Variants in GPHN observed in about 807,000 individuals in gnomAD.
GPHN encodes the protein gephyrin.
A neutral mutation model predicts 95.5 loss-of-function variants in GPHN; 17 were observed. The ratio of observed to expected loss-of-function variants is 0.18; its 90% CI spans 0.12 to 0.27. The LOEUF (loss-of-function observed/expected upper bound fraction) is 0.27. GPHN is among the 10% of genes least tolerant of loss of function. GPHN has a pLI of 1.00. For missense variants in GPHN, 660 were observed against 978.1 expected, an observed-to-expected ratio of 0.67 and a Z score of 4.34; for synonymous variants, 320 against 322.5, an observed-to-expected ratio of 0.99 and a Z score of 0.08.
chr14:66,603,010 G>A (rs996155182), intron 1 of GPHN, among the ~76,000 whole-genome samples: 3 of 151,618 alleles, frequency 2.0e-5, no homozygotes, highest in Non-Finnish European at 3.0e-5. Context: ...GGTTCTCTCC[G>A]TTAAACATAT....
the GPHN span, among the ~76,000 whole-genome samples, chr14:67,476,716 A>G: frequency 6.6e-6 from 1 of 152,240 alleles, no homozygotes; most frequent in Non-Finnish European, 1.5e-5. Flanking sequence ...GGGCCAGTAA[A>G]TGGAAGAGCT....
At chr14:67,374,330 C>T in the GPHN span, 1 of 475,374 alleles carries the variant, frequency 2.1e-6, no homozygotes, top group Non-Finnish European at 3.8e-6. Flanking sequence ...AATACTTATG[C>T]AGTATTTTGT....
the GPHN span, among the ~76,000 whole-genome samples, chr14:67,356,710 T>C: frequency 6.6e-6 from 1 of 152,208 alleles, no homozygotes; most frequent in Non-Finnish European, 1.5e-5. Flanking sequence ...ACGTTCACTG[T>C]ACCCCAAACA....
chr14:67,293,005 TG>T, the GPHN span, among the ~76,000 whole-genome samples: 2 of 152,158 alleles, frequency 1.3e-5, no homozygotes, highest in Non-Finnish European at 2.9e-5. Context: ...AATTTGTTAA[TG>T]TTTTTAGTAT....
At chr14:67,221,419 A>C in the GPHN span, among the ~76,000 whole-genome samples, 1 of 152,212 alleles carries the variant, frequency 6.6e-6, no homozygotes, top group East Asian at 1.9e-4. Flanking sequence ...TACACGGCTC[A>C]GCAGCAGCAG....
chr14:66,762,158 A>G (rs1030367568), intron 2 of GPHN, among the ~76,000 whole-genome samples: 1 of 149,326 alleles, frequency 6.7e-6, no homozygotes, highest in African/African-American at 2.6e-5. Context: ...AAGAATTACA[A>G]TGGAATTTTA....
the GPHN span, among the ~76,000 whole-genome samples, chr14:67,413,153 G>A: frequency 6.6e-6 from 1 of 152,134 alleles, no homozygotes; most frequent in Non-Finnish European, 1.5e-5. Context: ...TAAATAGATA[G>A]GATCAACAAC....
chr14:67,185,577 T>A (rs1182026772), downstream of GPHN, among the ~76,000 whole-genome samples: 1 of 152,250 alleles, frequency 6.6e-6, no homozygotes, highest in Non-Finnish European at 1.5e-5. Context: ...AGTTTTCATT[T>A]ATAGCTGTGT....
chr14:67,410,158 T>C, the GPHN span, among the ~76,000 whole-genome samples: 2 of 152,072 alleles, frequency 1.3e-5, no homozygotes, highest in Non-Finnish European at 2.9e-5. Flanking sequence ...ATCCTCCTGG[T>C]GATATCCTGG....
At chr14:67,512,470 A>G in the GPHN span, among the ~76,000 whole-genome samples, 1 of 152,214 alleles carries the variant, frequency 6.6e-6, no homozygotes, top group Non-Finnish European at 1.5e-5. Flanking sequence ...TTGCCTTAAA[A>G]GGAATGTTCC....
chr14:67,726,044 C>T, the GPHN span: 247 of 1,601,322 alleles, frequency 1.5e-4, no homozygotes, highest in Non-Finnish European at 2.0e-4. Flanking sequence ...TTGGTTGTGC[C>T]CTATAGAGGA....
chr14:67,347,272 C>A, the GPHN span: 2 of 702,298 alleles, frequency 2.8e-6, no homozygotes, highest in Non-Finnish European at 4.8e-6. Flanking sequence ...CAACTATTGT[C>A]CTGACTATAT....
chr14:66,997,646 C>A (rs182653606), intron 9 of GPHN, among the ~76,000 whole-genome samples: 1,837 of 152,198 alleles, frequency 0.012, 18 homozygotes, highest in Non-Finnish European at 0.018. Context: ...TAAGAAAAAA[C>A]CAAAAGAAAT....
At chr14:67,305,622 G>T in the GPHN span, among the ~76,000 whole-genome samples, 1 of 152,164 alleles carries the variant, frequency 6.6e-6, no homozygotes, top group Non-Finnish European at 1.5e-5. Context: ...TATTCATGCA[G>T]AATCTGGAAT....
At chr14:67,228,239 T>G in the GPHN span, 3 of 162,386 alleles carry the variant, frequency 1.8e-5, no homozygotes, top group African/African-American at 7.2e-5. Flanking sequence ...GAGATGTTAT[T>G]CATCCAAAGG....
At chr14:67,482,039 C>T in the GPHN span, among the ~76,000 whole-genome samples, 1 of 152,332 alleles carries the variant, frequency 6.6e-6, no homozygotes, top group Middle Eastern at 3.4e-3. Flanking sequence ...CATTGAACAA[C>T]ATTCAAATCC....
chr14:67,294,047 G>A, the GPHN span, among the ~76,000 whole-genome samples: 1 of 152,150 alleles, frequency 6.6e-6, no homozygotes, highest in South Asian at 2.1e-4. Context: ...AAGAGTAAAT[G>A]CCTTGGGAAG....
rs79543645 is a variant in GPHN, at chr14:66,563,545, A to G, written c.64+54954A>G. Among the ~76,000 whole-genome samples the G allele has an allele frequency of 3.6e-3, 554 of 152,294 alleles. 11 individuals are homozygous for G. The highest frequency in any genetic ancestry group is 0.013 in the African/African-American group (528 of 41,566). On this transcript the variant is annotated intron_variant, in intron 1 of 22. Transcript: ENST00000478722. ...TCAGCCAGAGCTTAATTTAGGACCA[A>G]TCCTTTCTCTAAAGGAAATGTAAGC...
At chr14:66,547,348 C>T (rs758064843) in intron 1 of GPHN, among the ~76,000 whole-genome samples, 36 of 152,060 alleles carry the variant, frequency 2.4e-4, no homozygotes, top group Non-Finnish European at 4.3e-4. Context: ...TTTGTGGAAT[C>T]GATCTTTCCA....
Sources: allele counts gnomAD v4.1 joint callset (sites outside exome capture counted in the v4.1 genomes callset), GRCh38; gene constraint gnomAD v4.1.1; transcripts MANE v1.5; gene names NCBI Gene and HGNC (gene_info 2026-07-23, HGNC 2026-07-21).